L2HGDH: variants seen among roughly 807,000 people sequenced by gnomAD.
L2HGDH encodes L-2-hydroxyglutarate dehydrogenase.
Under a neutral mutation model 51.5 loss-of-function variants are expected in L2HGDH, and 34 were observed. That is an observed-to-expected ratio of 0.66 (90% CI 0.50 to 0.88). The LOEUF (loss-of-function observed/expected upper bound fraction) is 0.88. Among genes scored for constraint, L2HGDH ranks in the 40% least tolerant of loss-of-function variants. The pLI, the probability that L2HGDH is intolerant of heterozygous loss-of-function variation, is 0.00. For missense variants in L2HGDH, 558 were observed against 571.9 expected, an observed-to-expected ratio of 0.98 and a Z score of 0.25; for synonymous variants, 198 against 197.9, an observed-to-expected ratio of 1.00 and a Z score of -0.01.
Position 50,244,435 on chromosome 14 carries a change from C to G in L2HGDH, c.*2623G>C, listed in dbSNP as rs902912250. On this transcript the variant is annotated 3_prime_UTR_variant, in exon 10 of 10. Transcript: ENST00000267436. ...ATTTTTTGTAATTCAATGTTTACAA[C>G]TTAGTATGTATGCAATCGTACTACT... 1.0e-6 allele frequency: 1 copy of G among 985,080 alleles called. No individual in the cohort carries two copies. The highest frequency in any genetic ancestry group is 1.7e-5 in the African/African-American group (1 of 57,242). The allele number at this position is 985,080 out of a possible 1,614,324, so 61.0% of individuals were successfully genotyped here.
chr14:50,301,934 T>A (rs2030431829), intron 3 of L2HGDH, 83 bp downstream of exon 3: 3 of 1,403,648 alleles, frequency 2.1e-6, no homozygotes, highest in Non-Finnish European at 3.0e-6. Flanking sequence ...AAGAAAAAAA[T>A]ACATTTTTAA....
At chr14:50,306,379 A>G (rs1386496139) in intron 1 of L2HGDH, among the ~76,000 whole-genome samples, 2 of 151,990 alleles carry the variant, frequency 1.3e-5, no homozygotes, top group East Asian at 1.9e-4. Context: ...GTTGATATCT[A>G]TATCAATTAC....
chr14:50,244,986 T>A lies in L2HGDH; in HGVS notation c.*2072A>T. The stretch of plus-strand genomic sequence containing the variant: ...ACATTTTCATTTACAATTTCTATTT[T>A]CTAACTTTCTAAATTATAAGAATAA... On this transcript the variant is annotated 3_prime_UTR_variant, in exon 10 of 10. Transcript: ENST00000267436. 3 of 985,350 alleles carry A rather than the reference T, an allele frequency of 3.0e-6. No individual in the cohort carries two copies. Among genetic ancestry groups the A allele is most frequent in the Non-Finnish European group, 3.6e-6 (3 of 829,698 alleles). 61.0% of individuals were successfully genotyped at this position (985,350 alleles called of 1,614,324 possible).
intron 5 of L2HGDH, among the ~76,000 whole-genome samples, chr14:50,279,253 A>G (rs111303099): frequency 6.6e-5 from 10 of 152,316 alleles, no homozygotes; most frequent in African/African-American, 2.4e-4. Flanking sequence ...AGAACAGAAC[A>G]CTACTTTTTT....
chr14:50,278,896 G>A (rs1370842092), intron 5 of L2HGDH, among the ~76,000 whole-genome samples: 1 of 152,188 alleles, frequency 6.6e-6, no homozygotes, highest in Non-Finnish European at 1.5e-5. Flanking sequence ...TTTTCCCACA[G>A]ACTAAAGCTA....
chr14:50,295,399 A>T (rs1191559788), intron 3 of L2HGDH, among the ~76,000 whole-genome samples: 2 of 151,918 alleles, frequency 1.3e-5, no homozygotes, highest in South Asian at 2.1e-4. Context: ...ATCTATTTTT[A>T]AAATTTCTAT....
intron 9 of L2HGDH, among the ~76,000 whole-genome samples, chr14:50,257,027 G>A (rs939503349): frequency 5.9e-5 from 9 of 151,856 alleles, no homozygotes; most frequent in East Asian, 1.9e-4. Context: ...CCTCTGCCTC[G>A]CAGGTTCAAG....
At chr14:50,279,318 C>CA (rs1432338363) in intron 5 of L2HGDH, among the ~76,000 whole-genome samples, 1 of 150,352 alleles carries the variant, frequency 6.7e-6, no homozygotes, top group Non-Finnish European at 1.5e-5. Flanking sequence ...ATCATTTGGA[C>CA]AAAAAAAATT....
chr14:50,290,653 T>C (rs1890823687), intron 4 of L2HGDH, among the ~76,000 whole-genome samples: 1 of 152,138 alleles, frequency 6.6e-6, no homozygotes, highest in African/African-American at 2.4e-5. Context: ...TTACGGACAC[T>C]GAAATTTGAA....
intron 9 of L2HGDH, among the ~76,000 whole-genome samples, chr14:50,254,395 G>A (rs753854515): frequency 6.2e-4 from 94 of 151,944 alleles, no homozygotes; most frequent in Non-Finnish European, 1.1e-3. Flanking sequence ...AAGAAGGGAC[G>A]GAACTGAAAG....
chr14:50,285,886 T>G (rs1323831964), intron 4 of L2HGDH, among the ~76,000 whole-genome samples: 2 of 152,170 alleles, frequency 1.3e-5, no homozygotes, highest in African/African-American at 2.4e-5. Context: ...TGGCCTTTCC[T>G]CTCCTCCTAA....
chr14:50,252,733 G>A (rs978540555), intron 9 of L2HGDH, among the ~76,000 whole-genome samples: 6 of 152,002 alleles, frequency 3.9e-5, no homozygotes, highest in Non-Finnish European at 2.9e-5. Context: ...TCAGCAAGAG[G>A]ACATAATGAT....
chr14:50,262,004 G>T (rs1053499115), intron 9 of L2HGDH, among the ~76,000 whole-genome samples: 3 of 152,162 alleles, frequency 2.0e-5, no homozygotes, highest in Non-Finnish European at 2.9e-5. Flanking sequence ...CACTGAAAGT[G>T]TTGCTTCAAC....
At chr14:50,268,381 GAA>G (rs769880130) in intron 7 of L2HGDH, among the ~76,000 whole-genome samples, 3 of 67,938 alleles carry the variant, frequency 4.4e-5, no homozygotes, top group East Asian at 4.4e-4. Flanking sequence ...TCTGTCTCAG[GAA>G]AAAAAAAAAA....
rs2031224396 is a variant in L2HGDH, at chr14:50,311,885, T to C, written c.140+126A>G. ...TAGCTCCTGGGATCCGAGGTTGGAG[T>C]GCCACAGGACCCCAACCTGCTCTCA... On this transcript the variant is annotated intron_variant, in intron 1 of 9. Transcript: ENST00000267436. 12 of 1,296,498 alleles carry C rather than the reference T, an allele frequency of 9.3e-6. No individual in the cohort carries two copies. In the East Asian group the frequency reaches 1.5e-4, roughly 16 times the overall value. The allele number at this position is 1,296,498 out of a possible 1,614,324, so 80.3% of individuals were successfully genotyped here.
chr14:50,260,720 TCAAC>T (rs765052752), intron 9 of L2HGDH, among the ~76,000 whole-genome samples: 21 of 152,212 alleles, frequency 1.4e-4, no homozygotes, highest in Non-Finnish European at 1.9e-4. Flanking sequence ...CTAGTGGTTC[TCAAC>T]CAAAGGAGAT....
intron 5 of L2HGDH, 117 bp from the exon 6 acceptor site, chr14:50,278,671 T>C (rs1890102877): frequency 1.6e-6 from 1 of 626,840 alleles, no homozygotes; most frequent in Admixed American, 2.8e-5. Context: ...GATTGCACCT[T>C]ACAGTTCATT....
intron 5 of L2HGDH, chr14:50,282,412 C>T: frequency 2.2e-6 from 1 of 455,476 alleles, no homozygotes; most frequent in Non-Finnish European, 4.4e-6. Flanking sequence ...TTCATTCTAA[C>T]CACCAATTTC....
chr14:50,254,808 G>A (rs1888564093), intron 9 of L2HGDH, among the ~76,000 whole-genome samples: 1 of 152,010 alleles, frequency 6.6e-6, no homozygotes, highest in Non-Finnish European at 1.5e-5. Flanking sequence ...GGAGGCCAAA[G>A]CAGGTGGATC....
Sources: gnomAD v4.1 joint callset for allele counts (sites outside exome capture counted in the v4.1 genomes callset) on GRCh38, gnomAD v4.1.1 for gene constraint, MANE v1.5 for transcripts, NCBI Gene and HGNC (gene_info 2026-07-23, HGNC 2026-07-21) for gene names.